The following PLEKHA2 variants were observed in gnomAD, a reference collection of about 807,000 sequenced individuals.
The protein encoded by PLEKHA2 is pleckstrin homology domain-containing family A member 2.
PLEKHA2 carries 28 observed loss-of-function variants against 53.2 expected under a neutral mutation model. That is an observed-to-expected ratio of 0.53 (90% CI 0.39 to 0.72). The LOEUF is 0.72. Ranked by LOEUF, PLEKHA2 falls within the 30% of genes least tolerant of loss-of-function variation. PLEKHA2 has a pLI of 0.00. For synonymous variants in PLEKHA2, 193 were observed against 196.4 expected, an observed-to-expected ratio of 0.98 and a Z score of 0.14; for missense variants, 426 against 537.9, an observed-to-expected ratio of 0.79 and a Z score of 2.06.
intron 2 of PLEKHA2, among the ~76,000 whole-genome samples, chr8:38,923,006 C>A (rs72638504): frequency 6.6e-5 from 10 of 152,264 alleles, no homozygotes; most frequent in African/African-American, 2.2e-4. Context: ...TTCGGTGAGG[C>A]CTTTGCCACC....
chr8:38,952,157 T>A lies in PLEKHA2; in HGVS notation c.487-9T>A. On this transcript the variant is annotated splice_polypyrimidine_tract_variant and intron_variant, in intron 6 of 11. Transcript: ENST00000617275. ...GGGAGGCGCTGATACTGACACTGTT[T>A]CCTTGCAGAACGGTGGGGATGGGCA... 1.9e-6 allele frequency: 3 copies of A among 1,611,280 alleles called. No individual in the cohort carries two copies. Among genetic ancestry groups the A allele is most frequent in the Non-Finnish European group, 2.5e-6 (3 of 1,178,760 alleles).
At chr8:38,919,918 G>A (rs1834147763) in intron 2 of PLEKHA2, among the ~76,000 whole-genome samples, 1 of 152,092 alleles carries the variant, frequency 6.6e-6, no homozygotes, top group Non-Finnish European at 1.5e-5. Flanking sequence ...CATGTAATGG[G>A]CCTGGTTTGC....
At chr8:38,949,263 C>T (rs1834779039) in intron 5 of PLEKHA2, among the ~76,000 whole-genome samples, 1 of 151,526 alleles carries the variant, frequency 6.6e-6, no homozygotes, top group Non-Finnish European at 1.5e-5. Flanking sequence ...GAAAGATTTC[C>T]TCAGCATTTG....
intron 2 of PLEKHA2, among the ~76,000 whole-genome samples, 171 bp downstream of exon 2, chr8:38,918,241 C>T (rs1233296231): frequency 3.3e-5 from 5 of 151,430 alleles, no homozygotes; most frequent in East Asian, 1.9e-4. Flanking sequence ...TGCACATTCA[C>T]GTGCACACAC....
At chr8:38,953,496 C>A in intron 9 of PLEKHA2, 129 bp downstream of exon 9, 1 of 943,106 alleles carries the variant, frequency 1.1e-6, no homozygotes, top group Non-Finnish European at 1.7e-6. Context: ...GAGCCTAACA[C>A]CTTGTGGCTG....
At chr8:38,961,348 C>G (rs891891843) in intron 10 of PLEKHA2, among the ~76,000 whole-genome samples, 8 of 152,018 alleles carry the variant, frequency 5.3e-5, no homozygotes, top group Admixed American at 4.6e-4. Flanking sequence ...GTCAGCCTGG[C>G]CAACATAGTG....
At chr8:38,920,204 G>A (rs919984230) in intron 2 of PLEKHA2, among the ~76,000 whole-genome samples, 1 of 152,130 alleles carries the variant, frequency 6.6e-6, no homozygotes, top group Admixed American at 6.6e-5. Flanking sequence ...AGGCTAGAGT[G>A]CAGTGGCGCG....
intron 3 of PLEKHA2, among the ~76,000 whole-genome samples, chr8:38,938,337 AC>A (rs1488579267): frequency 6.6e-6 from 1 of 151,916 alleles, no homozygotes; most frequent in Non-Finnish European, 1.5e-5. Context: ...TGGTCCAGAG[AC>A]CCCCATCCCA....
chr8:38,950,849 G>C lies in PLEKHA2; in HGVS notation c.346-1G>C. On this transcript the variant is annotated splice_acceptor_variant, in intron 5 of 11. Coordinates refer to ENST00000617275, the MANE Select transcript of PLEKHA2 (RefSeq NM_021623.2). LOFTEE classifies it high-confidence loss of function. ...TTGATTGTTGCTGCCGCTCACCCCA[G>C]GTTCCCAAAGGTGGGGGCCTACCCA... 6.2e-7 allele frequency: 1 copy of C among 1,612,762 alleles called. No individual in the cohort carries two copies. Among genetic ancestry groups the C allele is most frequent in the Non-Finnish European group, 8.5e-7 (1 of 1,179,096 alleles).
chr8:38,946,896 C>T (rs1269211340), intron 5 of PLEKHA2, among the ~76,000 whole-genome samples: 4 of 152,176 alleles, frequency 2.6e-5, no homozygotes, highest in African/African-American at 9.7e-5. Flanking sequence ...TTATATAGAT[C>T]ATGGCTTCTT....
At chr8:38,946,779 T>C (rs7000319) in intron 5 of PLEKHA2, among the ~76,000 whole-genome samples, 36 of 152,246 alleles carry the variant, frequency 2.4e-4, no homozygotes, top group African/African-American at 8.4e-4. Context: ...TTCTTTTTCC[T>C]TAGAGATATA....
intron 1 of PLEKHA2, among the ~76,000 whole-genome samples, chr8:38,903,121 G>GTGGTTGTTCCTCAAACCTGTAGGGATT: frequency 6.6e-6 from 1 of 152,374 alleles, no homozygotes; most frequent in Middle Eastern, 3.4e-3. Flanking sequence ...AAAGAGCAGT[G>GTGGTTGTTCCTCAAACCTGTAGGGATT]TGGTTGTTCC....
intron 5 of PLEKHA2, 56 bp downstream of exon 5, chr8:38,946,277 A>G (rs2129421205): frequency 2.1e-6 from 3 of 1,458,940 alleles, no homozygotes; most frequent in South Asian, 1.2e-5. Context: ...TTCCCAGGCT[A>G]TGGCCTTGTT....
In PLEKHA2 at chr8:38,948,247, A is replaced by G. The variant is rs181774429; in HGVS notation, c.345+2026A>G. Among the ~76,000 whole-genome samples the G allele has an allele frequency of 5.3e-5, 8 of 152,350 alleles. No homozygotes were observed. The East Asian group carries it at 1.2e-3, about 22-fold the overall frequency. On this transcript the variant is annotated intron_variant, in intron 5 of 11. Transcript: ENST00000617275. Reference sequence around the variant, plus strand: ...TAAAAATGTGGTTACATAATAACAGAACTCACAGAAAGTGAGAAAGAGTAG... The same window carrying G: ...TAAAAATGTGGTTACATAATAACAGGACTCACAGAAAGTGAGAAAGAGTAG...
chr8:38,944,626 C>T (rs377136224), intron 4 of PLEKHA2, among the ~76,000 whole-genome samples: 27 of 152,258 alleles, frequency 1.8e-4, no homozygotes, highest in African/African-American at 5.8e-4. Context: ...CAAGAACTCA[C>T]TATTATGACA....
intron 1 of PLEKHA2, among the ~76,000 whole-genome samples, chr8:38,904,568 A>G (rs1412604574): frequency 6.6e-6 from 1 of 152,224 alleles, no homozygotes; most frequent in Non-Finnish European, 1.5e-5. Flanking sequence ...GAGCATGTCT[A>G]GGTTTCTGTT....
intron 2 of PLEKHA2, among the ~76,000 whole-genome samples, chr8:38,935,775 G>A (rs1313381185): frequency 6.6e-6 from 1 of 152,138 alleles, no homozygotes; most frequent in Non-Finnish European, 1.5e-5. Flanking sequence ...ATAAGGCTTG[G>A]GGGTAATGTT....
intron 9 of PLEKHA2, 60 bp from the exon 10 acceptor site, chr8:38,957,263 T>TA: frequency 7.2e-7 from 1 of 1,384,056 alleles, no homozygotes; most frequent in Non-Finnish European, 1.0e-6. Flanking sequence ...TCTTAGGACA[T>TA]ATCGAGTCCT....
chr8:38,956,251 G>A (rs750563285), intron 9 of PLEKHA2, among the ~76,000 whole-genome samples: 3 of 152,138 alleles, frequency 2.0e-5, no homozygotes, highest in Admixed American at 6.5e-5. Flanking sequence ...TCTACTCCCC[G>A]CCCTCTTCCT....
Sources: gnomAD v4.1 joint callset for allele counts (sites outside exome capture counted in the v4.1 genomes callset) on GRCh38, gnomAD v4.1.1 for gene constraint, MANE v1.5 for transcripts, NCBI Gene and HGNC (gene_info 2026-07-23, HGNC 2026-07-21) for gene names.